Variants in ABCC3 observed in about 807,000 individuals in gnomAD.
The protein encoded by ABCC3 is ATP binding cassette subfamily C member 3, also known as ATP-binding cassette sub-family C member 3.
ABCC3 carries 121 observed loss-of-function variants against 165.3 expected under a neutral mutation model. That is an observed-to-expected ratio of 0.73 (90% CI 0.63 to 0.85). ABCC3 has a LOEUF of 0.85. Among genes scored for constraint, ABCC3 ranks in the 40% least tolerant of loss-of-function variants. The pLI is 0.00. For synonymous variants in ABCC3, 733 were observed against 810.1 expected (o/e 0.90, Z 1.62); for missense variants, 1,869 against 1,964.1 (o/e 0.95, Z 0.92).
At chr17:50,642,799 C>G (rs1295031671) in intron 1 of ABCC3, among the ~76,000 whole-genome samples, 1 of 152,222 alleles carries the variant, frequency 6.6e-6, no homozygotes, top group East Asian at 1.9e-4. Context: ...ACAGCGATTC[C>G]CACCATGTCC....
rs151133677 is a variant in ABCC3, at chr17:50,656,736, C to T, written c.257C>T (p.Ala86Val). Residue 86 changes from alanine (A) to valine (V), a missense_variant, in exon 3 of 31, where the codon GCG (alanine) becomes GTG (valine). Coordinates refer to ENST00000285238, the MANE Select transcript of ABCC3 (RefSeq NM_003786.4). ...GTCCTGCTGTGGTGCGTCTCCTGGGCGGACCTTTTTTACTCCTTCCATGGC... is the reference window on the plus strand; with the variant it reads ...GTCCTGCTGTGGTGCGTCTCCTGGGTGGACCTTTTTTACTCCTTCCATGGC... ...LGVLLWCVSW[A>V]DLFYSFHGLV... 64 of 1,613,790 alleles carry T rather than the reference C, an allele frequency of 4.0e-5. No homozygotes were observed. The African/African-American group carries it at 5.2e-4, about 13-fold the overall frequency.
chr17:50,636,012 A>C (rs2054176519), intron 1 of ABCC3: 1 of 161,304 alleles, frequency 6.2e-6, no homozygotes, highest in African/African-American at 2.4e-5. Flanking sequence ...AGCTAAGTGC[A>C]TACAGCCTAG....
intron 30 of ABCC3, among the ~76,000 whole-genome samples, chr17:50,689,914 A>G (rs1383666317): frequency 6.6e-6 from 1 of 152,162 alleles, no homozygotes; most frequent in Non-Finnish European, 1.5e-5. Flanking sequence ...CATTCATTCT[A>G]GTGGAACAGG....
intron 1 of ABCC3, among the ~76,000 whole-genome samples, chr17:50,649,911 A>C (rs1967082366): frequency 6.6e-6 from 1 of 152,358 alleles, no homozygotes; most frequent in Non-Finnish European, 1.5e-5. Flanking sequence ...GCGAGTTCTC[A>C]GTTTTCTTAA....
chr17:50,661,506 C>T (rs1407317963), intron 8 of ABCC3, among the ~76,000 whole-genome samples: 1 of 152,188 alleles, frequency 6.6e-6, no homozygotes, highest in Non-Finnish European at 1.5e-5. Context: ...ACTCTGAGCT[C>T]CGACTGAGGT....
intron 19 of ABCC3, among the ~76,000 whole-genome samples, chr17:50,673,990 C>G (rs1249491166): frequency 1.2e-4 from 1 of 8,162 alleles, no homozygotes; most frequent in Non-Finnish European, 2.3e-4. Flanking sequence ...CTCTCTCTCT[C>G]TCTCTCTCTC....
At chr17:50,643,869 T>A (rs1301006689) in intron 1 of ABCC3, among the ~76,000 whole-genome samples, 1 of 151,298 alleles carries the variant, frequency 6.6e-6, no homozygotes, top group East Asian at 1.9e-4. Context: ...GAGGACCAGG[T>A]TGGGTGCTAG....
At chr17:50,651,164 G>A (rs942843880) in intron 1 of ABCC3, among the ~76,000 whole-genome samples, 8 of 151,430 alleles carry the variant, frequency 5.3e-5, no homozygotes, top group African/African-American at 1.7e-4. Flanking sequence ...CACACCAGCT[G>A]TAGATTGGTA....
chr17:50,646,777 G>C (rs548007891), intron 1 of ABCC3, among the ~76,000 whole-genome samples: 61 of 152,368 alleles, frequency 4.0e-4, no homozygotes, highest in African/African-American at 1.4e-3. Flanking sequence ...CCAGGTAAGA[G>C]ATATTATCAT....
chr17:50,681,271 T>C (rs1235561822), intron 26 of ABCC3, among the ~76,000 whole-genome samples: 1 of 152,140 alleles, frequency 6.6e-6, no homozygotes, highest in Non-Finnish European at 1.5e-5. Flanking sequence ...GACACCTCCA[T>C]AAAAAGTAGG....
intron 11 of ABCC3, among the ~76,000 whole-genome samples, chr17:50,665,628 C>A (rs1967508372): frequency 6.7e-6 from 1 of 148,410 alleles, no homozygotes; most frequent in African/African-American, 2.5e-5. Context: ...TTTTTTGAGA[C>A]AGGGTCTCGT....
intron 17 of ABCC3, among the ~76,000 whole-genome samples, chr17:50,672,420 T>C (rs1264755174): frequency 3.9e-5 from 6 of 152,236 alleles, no homozygotes; most frequent in Admixed American, 3.3e-4. Flanking sequence ...TATCCGTAGA[T>C]GGGTTGGGCA....
At chr17:50,656,937 A>G (rs1006995249) in intron 3 of ABCC3, 109 bp from the exon 4 acceptor site, 71 of 1,547,222 alleles carry the variant, frequency 4.6e-5, no homozygotes, top group Non-Finnish European at 6.0e-5. Flanking sequence ...TGGGAATGGG[A>G]AGAAGAAGGG....
At position 50,675,865 on chromosome 17, in the gene ABCC3, C is replaced by A; in HGVS notation, c.2860-18C>A. 6.2e-7 allele frequency: 1 copy of A among 1,613,758 alleles called. No homozygotes were observed. The highest frequency in any genetic ancestry group is 1.1e-5 in the South Asian group (1 of 91,000). ...TATGGAGTCCCCTGTCCCTGACTGC[C>A]ATGGCTGCTCCCTACAGGTGGAGCT... On this transcript the variant is annotated intron_variant, in intron 21 of 30. Transcript: ENST00000285238.
At chr17:50,649,197 T>A (rs1376402300) in intron 1 of ABCC3, among the ~76,000 whole-genome samples, 1 of 152,098 alleles carries the variant, frequency 6.6e-6, no homozygotes, top group African/African-American at 2.4e-5. Context: ...TAGCAGAGTT[T>A]ATCTGAGCAA....
chr17:50,685,394 A>G (rs1201856125), intron 29 of ABCC3, among the ~76,000 whole-genome samples: 2 of 152,198 alleles, frequency 1.3e-5, no homozygotes, highest in Admixed American at 6.5e-5. Flanking sequence ...CTTTCACTCT[A>G]AAAGGCAGAT....
rs1967360133 is a variant in ABCC3, at chr17:50,660,778, T to C, written c.807-145T>C. 7 of 652,538 alleles carry C rather than the reference T, an allele frequency of 1.1e-5. No individual in the cohort carries two copies. The Admixed American group carries it at 1.2e-4, about 11-fold the overall frequency. The allele number at this position is 652,538 out of a possible 1,614,324, so 40.4% of individuals were successfully genotyped here. On this transcript the variant is annotated intron_variant, in intron 7 of 30. Transcript: ENST00000285238. ...AGGACAGAGTCGCTTGTGCAATTCT[T>C]ATGCTGTCTGTTCCCCTCCCAGCTC...
At chr17:50,669,859 C>T (rs1173403673) in intron 17 of ABCC3, among the ~76,000 whole-genome samples, 1 of 151,926 alleles carries the variant, frequency 6.6e-6, no homozygotes, top group Non-Finnish European at 1.5e-5. Context: ...GCCATGGTGA[C>T]ATCATGGGAC....
At chr17:50,683,537 G>C (rs1163447931) in intron 26 of ABCC3, 73 bp from the exon 27 acceptor site, 3 of 1,453,246 alleles carry the variant, frequency 2.1e-6, no homozygotes, top group Admixed American at 2.6e-5. Context: ...AGGGGCCTTG[G>C]GGGAGAGAGA....
Sources: allele counts gnomAD v4.1 joint callset (sites outside exome capture counted in the v4.1 genomes callset), GRCh38; gene constraint gnomAD v4.1.1; transcripts MANE v1.5; gene names NCBI Gene and HGNC (gene_info 2026-07-23, HGNC 2026-07-21).